Variants in PPARGC1A observed in about 807,000 individuals in gnomAD.
PPARGC1A encodes the protein PPARG coactivator 1 alpha.
Under a neutral mutation model 88.7 loss-of-function variants are expected in PPARGC1A, and 25 were observed. The ratio of observed to expected loss-of-function variants is 0.28; its 90% CI spans 0.21 to 0.39. PPARGC1A has a LOEUF of 0.39. Ranked by LOEUF, PPARGC1A falls within the 10% of genes least tolerant of loss-of-function variation. PPARGC1A has a pLI of 1.00. For missense variants in PPARGC1A, 880 were observed against 968.7 expected (o/e 0.91, Z 1.22); for synonymous variants, 363 against 355.6 (o/e 1.02, Z -0.24).
intron 5 of PPARGC1A, among the ~76,000 whole-genome samples, chr4:23,827,448 A>G (rs1474477738): frequency 4.6e-5 from 7 of 152,118 alleles, no homozygotes; most frequent in Non-Finnish European, 8.8e-5. Context: ...AAAGAGGTAT[A>G]TGTTTATAAT....
the PPARGC1A span, among the ~76,000 whole-genome samples, chr4:24,446,801 T>C: frequency 3.3e-5 from 5 of 152,202 alleles, no homozygotes; most frequent in South Asian, 8.3e-4. Flanking sequence ...TGTTTTGCCA[T>C]GTTGGCCAGG....
At chr4:23,885,184 C>T (rs1266226349) in intron 1 of PPARGC1A, among the ~76,000 whole-genome samples, 1 of 152,188 alleles carries the variant, frequency 6.6e-6, no homozygotes, top group African/African-American at 2.4e-5. Context: ...CTCCACGAAG[C>T]TTTCTCTGAT....
At chr4:23,890,138 T>A, upstream of PPARGC1A, 3 of 1,285,394 alleles carry the variant, frequency 2.3e-6, no homozygotes, top group East Asian at 8.5e-5. Context: ...TCACCCAGCC[T>A]CCCTTCCCCT....
chr4:23,830,103 T>C (rs914834001), intron 3 of PPARGC1A, among the ~76,000 whole-genome samples: 2 of 152,208 alleles, frequency 1.3e-5, no homozygotes, highest in African/African-American at 4.8e-5. Flanking sequence ...ACACATTTTC[T>C]TTCTAAAAAT....
intron 2 of PPARGC1A, 59 bp from the exon 3 acceptor site, chr4:23,831,810 T>C: frequency 1.4e-6 from 2 of 1,381,736 alleles, no homozygotes; most frequent in African/African-American, 1.4e-5. Context: ...GGTAACACTA[T>C]GCATCAACAT....
chr4:24,021,308 G>A, the PPARGC1A span, among the ~76,000 whole-genome samples: 1 of 152,198 alleles, frequency 6.6e-6, no homozygotes, highest in South Asian at 2.1e-4. Flanking sequence ...ACGCTGGGTA[G>A]TGGCCACTCA....
chr4:23,802,422 G>C, intron 10 of PPARGC1A, 77 bp from the exon 11 acceptor site: 1 of 1,568,758 alleles, frequency 6.4e-7, no homozygotes, highest in Non-Finnish European at 8.7e-7. Flanking sequence ...GCTCACACCT[G>C]TAATCCCAGC....
chr4:23,943,209 T>C, the PPARGC1A span, among the ~76,000 whole-genome samples: 2 of 152,268 alleles, frequency 1.3e-5, no homozygotes, highest in Admixed American at 1.3e-4. Flanking sequence ...TTTGACTCTG[T>C]GTTCTTCTTT....
chr4:24,416,018 A>T, the PPARGC1A span, among the ~76,000 whole-genome samples: 711 of 152,296 alleles, frequency 4.7e-3, 2 homozygotes, highest in Non-Finnish European at 7.6e-3. Context: ...TTAATTTTTT[A>T]AAAATTACCT....
the PPARGC1A span, among the ~76,000 whole-genome samples, chr4:24,077,923 C>T: frequency 6.6e-6 from 1 of 151,430 alleles, no homozygotes; most frequent in Non-Finnish European, 1.5e-5. Flanking sequence ...TTTTCTAGTT[C>T]ATTAATTAAT....
At chr4:24,334,753 AT>A in the PPARGC1A span, among the ~76,000 whole-genome samples, 1 of 152,160 alleles carries the variant, frequency 6.6e-6, no homozygotes, top group East Asian at 1.9e-4. Context: ...GAACATTTCC[AT>A]TTCTAAGACA....
chr4:23,813,567 T>A (rs1721346674), intron 8 of PPARGC1A, 123 bp downstream of exon 8: 2 of 839,412 alleles, frequency 2.4e-6, no homozygotes, highest in Admixed American at 6.0e-5. Context: ...GTTCCAGCAG[T>A]GCCAGAATTG....
chr4:24,281,800 C>T, the PPARGC1A span, among the ~76,000 whole-genome samples: 5 of 151,882 alleles, frequency 3.3e-5, no homozygotes, highest in African/African-American at 1.2e-4. Flanking sequence ...GTTGTCCATA[C>T]CACATAATAA....
chr4:24,326,503 T>C, the PPARGC1A span, among the ~76,000 whole-genome samples: 18 of 152,204 alleles, frequency 1.2e-4, no homozygotes, highest in Non-Finnish European at 2.2e-4. Flanking sequence ...CATCCCAGCC[T>C]CTCTTCGCTT....
the PPARGC1A span, among the ~76,000 whole-genome samples, chr4:24,337,736 T>C: frequency 6.7e-6 from 1 of 150,012 alleles, no homozygotes; most frequent in South Asian, 2.1e-4. Flanking sequence ...AAATAACTTG[T>C]CCCAGATCAC....
Position 23,793,847 on chromosome 4 carries a change from A to T in PPARGC1A, c.*1975T>A, listed in dbSNP as rs145944720. On this transcript the variant is annotated 3_prime_UTR_variant, in exon 13 of 13. Coordinates refer to ENST00000264867, the MANE Select transcript of PPARGC1A (RefSeq NM_013261.5). ...TGAATTTCCCAAATGAAGCACTTAC[A>T]CTCCAACCTGACAATTGTCATGCAT... 1 of 152,382 alleles carries T rather than the reference A, an allele frequency of 6.6e-6. No homozygotes were observed. The highest frequency in any genetic ancestry group is 1.5e-5 in the Non-Finnish European group (1 of 67,998). 9.4% of individuals were successfully genotyped at this position (152,382 alleles called of 1,614,324 possible). A position where few individuals can be genotyped will look rare whatever the true frequency, so the allele number is the denominator to read the frequency against.
At chr4:24,156,752 T>TA in the PPARGC1A span, among the ~76,000 whole-genome samples, 124 of 150,616 alleles carry the variant, frequency 8.2e-4, no homozygotes, top group African/African-American at 2.7e-3. Context: ...TTTTTTTTTT[T>TA]AACTTTTGTT....
At chr4:24,006,368 G>A in the PPARGC1A span, among the ~76,000 whole-genome samples, 1 of 152,142 alleles carries the variant, frequency 6.6e-6, no homozygotes, top group African/African-American at 2.4e-5. Context: ...TCCATGGGGA[G>A]TTCTACTGAT....
chr4:24,285,635 T>C, the PPARGC1A span, among the ~76,000 whole-genome samples: 538 of 152,290 alleles, frequency 3.5e-3, no homozygotes, highest in African/African-American at 0.012. Context: ...TGAACATGTT[T>C]CTCTCCAAAT....
Sources: allele counts gnomAD v4.1 joint callset (sites outside exome capture counted in the v4.1 genomes callset), GRCh38; gene constraint gnomAD v4.1.1; transcripts MANE v1.5; gene names NCBI Gene and HGNC (gene_info 2026-07-23, HGNC 2026-07-21).